The following DCC variants were observed in gnomAD, a reference collection of about 807,000 sequenced individuals.
DCC encodes the protein netrin receptor DCC.
Under a neutral mutation model 172.5 loss-of-function variants are expected in DCC, and 58 were observed. The observed-to-expected ratio is 0.34, with a 90% CI of 0.27 to 0.42. DCC has a LOEUF of 0.42. DCC is among the 10% of genes least tolerant of loss of function. DCC has a pLI of 1.00. For synonymous variants in DCC, 709 were observed against 644.5 expected, an observed-to-expected ratio of 1.10 and a Z score of -1.52; for missense variants, 1,740 against 1,791.0, an observed-to-expected ratio of 0.97 and a Z score of 0.51.
intron 5 of DCC, among the ~76,000 whole-genome samples, chr18:52,970,443 C>T (rs1167497431): frequency 6.6e-6 from 1 of 152,042 alleles, no homozygotes; most frequent in African/African-American, 2.4e-5. Context: ...AAAATTATCA[C>T]ATAATATATA....
At chr18:52,421,742 G>T (rs71367275) in intron 1 of DCC, among the ~76,000 whole-genome samples, 14,349 of 152,234 alleles carry the variant, frequency 0.094, 894 homozygotes, top group Non-Finnish European at 0.14. Context: ...TCTTGTATTT[G>T]CCAAGAACCA....
chr18:53,091,901 G>A (rs1168073754), intron 7 of DCC, among the ~76,000 whole-genome samples: 3 of 149,422 alleles, frequency 2.0e-5, no homozygotes, highest in Non-Finnish European at 4.4e-5. Flanking sequence ...CTTTAAATTT[G>A]ATATATTTAT....
chr18:53,140,585 T>A (rs1175718324), intron 7 of DCC, among the ~76,000 whole-genome samples: 1 of 152,174 alleles, frequency 6.6e-6, no homozygotes, highest in African/African-American at 2.4e-5. Flanking sequence ...CATTGTCATG[T>A]TTATATTTTT....
intron 2 of DCC, among the ~76,000 whole-genome samples, chr18:52,792,188 TG>T (rs35146693): frequency 4.9e-4 from 75 of 151,602 alleles, no homozygotes; most frequent in African/African-American, 1.8e-3. Context: ...ATGCTCACTG[TG>T]GGGGGTGCGA....
intron 1 of DCC, among the ~76,000 whole-genome samples, chr18:52,435,755 C>T (rs1271710845): frequency 2.6e-5 from 4 of 152,168 alleles, no homozygotes; most frequent in African/African-American, 9.7e-5. Context: ...GCACATCAGT[C>T]TCGCTGCCCC....
chr18:52,368,412 A>G (rs1984971811), intron 1 of DCC, among the ~76,000 whole-genome samples: 1 of 152,208 alleles, frequency 6.6e-6, no homozygotes, highest in African/African-American at 2.4e-5. Flanking sequence ...ATCTCAAAGC[A>G]TACCCTCTGT....
chr18:53,063,412 A>C lies in DCC; in HGVS notation c.1093A>C (p.Met365Leu). Reference sequence around the variant, plus strand: ...AAAGCCTGTGCCCACTGTGAATTGGATGAAGAATGGAGATGTGGTCATTCC... The same window carrying C: ...AAAGCCTGTGCCCACTGTGAATTGGCTGAAGAATGGAGATGTGGTCATTCC... ...SGKPVPTVNW[M>L]KNGDVVIPSD... is the part of the protein sequence containing the mutation. Residue 365 changes from methionine (M) to leucine (L), a missense_variant, in exon 6 of 29, where the codon ATG (methionine) becomes CTG (leucine). Transcript: ENST00000442544. 6.2e-7 allele frequency: 1 copy of C among 1,612,582 alleles called. No individual in the cohort carries two copies.
chr18:53,291,755 T>A (rs1376190550), intron 12 of DCC, among the ~76,000 whole-genome samples: 3 of 152,196 alleles, frequency 2.0e-5, no homozygotes, highest in Non-Finnish European at 4.4e-5. Context: ...AAAGAGTTAA[T>A]AAGCCCTTCT....
chr18:52,728,365 C>G (rs2036586030), intron 1 of DCC, among the ~76,000 whole-genome samples: 1 of 152,178 alleles, frequency 6.6e-6, no homozygotes, highest in African/African-American at 2.4e-5. Context: ...GGAGATCTCT[C>G]ACCGAGTAGG....
Position 52,906,168 on chromosome 18 carries a change from C to A in DCC, c.537C>A (p.Asp179Glu). The A allele has an allele frequency of 1.2e-6, 2 of 1,614,122 alleles. No individual in the cohort carries two copies. Among genetic ancestry groups the A allele is most frequent in the Non-Finnish European group, 8.5e-7 (1 of 1,180,028 alleles). ...TCCACTGGCAGAAGAACCAACAAGA[C>A]CTGACTCCAATCCCAGGTGACTCCC... ...PTIHWQKNQQ[D>E]LTPIPGDSRV... Residue 179 changes from aspartate to glutamate, a missense_variant, in exon 3 of 29, where the codon GAC (aspartate) becomes GAA (glutamate). Physicochemically the swap from Asp to Glu is conservative, Grantham distance 45. Transcript: ENST00000442544.
At chr18:53,465,302 G>A (rs2045607664) in intron 24 of DCC, among the ~76,000 whole-genome samples, 1 of 151,306 alleles carries the variant, frequency 6.6e-6, no homozygotes, top group African/African-American at 2.4e-5. Flanking sequence ...TCCTTCATTG[G>A]ACAATGACTT....
intron 1 of DCC, among the ~76,000 whole-genome samples, chr18:52,728,245 C>T (rs926553837): frequency 7.9e-5 from 12 of 151,894 alleles, no homozygotes; most frequent in East Asian, 1.9e-4. Flanking sequence ...AGATAATAAG[C>T]TACTAAAAAG....
chr18:52,690,357 G>A (rs1402657295), intron 1 of DCC, among the ~76,000 whole-genome samples: 1 of 152,108 alleles, frequency 6.6e-6, no homozygotes, highest in Admixed American at 6.6e-5. Context: ...AGGATTGAGG[G>A]CAGTAGAGGC....
At chr18:52,628,303 T>C (rs1025505745) in intron 1 of DCC, among the ~76,000 whole-genome samples, 4 of 152,336 alleles carry the variant, frequency 2.6e-5, no homozygotes, top group African/African-American at 7.2e-5. Flanking sequence ...AACATAATTA[T>C]GACCATTGTC....
intron 2 of DCC, among the ~76,000 whole-genome samples, chr18:52,805,333 A>C (rs1027649999): frequency 2.6e-5 from 4 of 152,254 alleles, no homozygotes; most frequent in Non-Finnish European, 5.9e-5. Context: ...GAATATCTTC[A>C]TAAGCCTTTG....
At chr18:53,215,666 C>T in intron 12 of DCC, 69 bp downstream of exon 12, 1 of 1,272,178 alleles carries the variant, frequency 7.9e-7, no homozygotes, top group Non-Finnish European at 1.2e-6. Flanking sequence ...CCTTCACTCA[C>T]CCAACTGCTG....
intron 25 of DCC, among the ~76,000 whole-genome samples, chr18:53,475,170 GT>G (rs2045746916): frequency 6.6e-6 from 1 of 152,182 alleles, no homozygotes; most frequent in African/African-American, 2.4e-5. Context: ...AAGGCATTCA[GT>G]TTTACAAGGG....
chr18:53,076,809 T>G (rs1181807680), intron 7 of DCC, among the ~76,000 whole-genome samples: 2 of 152,176 alleles, frequency 1.3e-5, no homozygotes, highest in African/African-American at 4.8e-5. Context: ...AATAGTGATT[T>G]GTTGGGAGCT....
At chr18:53,349,958 A>G (rs969972434) in intron 15 of DCC, among the ~76,000 whole-genome samples, 1 of 152,224 alleles carries the variant, frequency 6.6e-6, no homozygotes, top group Non-Finnish European at 1.5e-5. Context: ...TAATTTTAAA[A>G]AACTGAATTT....
Sources: allele counts gnomAD v4.1 joint callset (sites outside exome capture counted in the v4.1 genomes callset), GRCh38; gene constraint gnomAD v4.1.1; transcripts MANE v1.5; gene names NCBI Gene and HGNC (gene_info 2026-07-23, HGNC 2026-07-21).